Variants in CAPN5 observed in about 807,000 individuals in gnomAD.
CAPN5 encodes calpain 5.
Under a neutral mutation model 73.0 loss-of-function variants are expected in CAPN5, and 54 were observed. The ratio of observed to expected loss-of-function variants is 0.74; its 90% CI spans 0.59 to 0.93. CAPN5 has a LOEUF of 0.93. Among genes scored for constraint, CAPN5 ranks in the 40% least tolerant of loss-of-function variants. The probability of loss-of-function intolerance (pLI) is 0.00; values close to 1 mark genes in which losing one functional copy is unlikely to be tolerated. For synonymous variants in CAPN5, 335 were observed against 356.9 expected (o/e 0.94, Z 0.69); for missense variants, 785 against 882.9 (o/e 0.89, Z 1.41).
chr11:77,097,464 GTTT>G (rs58077755), intron 3 of CAPN5, among the ~76,000 whole-genome samples: 5 of 79,736 alleles, frequency 6.3e-5, no homozygotes, highest in African/African-American at 1.9e-4. Context: ...TTTCCTTCTA[GTTT>G]TTTTTTTTTT....
At chr11:77,118,870 T>C (rs1291028226) in intron 8 of CAPN5, among the ~76,000 whole-genome samples, 160 bp from the exon 9 acceptor site, 1 of 152,220 alleles carries the variant, frequency 6.6e-6, no homozygotes, top group East Asian at 1.9e-4. Context: ...GGGTAGCCAT[T>C]GCAGGCATTG....
intron 2 of CAPN5, among the ~76,000 whole-genome samples, chr11:77,088,246 C>T (rs1393187210): frequency 6.6e-6 from 1 of 151,394 alleles, no homozygotes; most frequent in Admixed American, 6.6e-5. Flanking sequence ...AGTGCAGTCT[C>T]GGGGGCCCCA....
At chr11:77,089,727 G>T (rs530635347) in intron 2 of CAPN5, among the ~76,000 whole-genome samples, 18 of 152,146 alleles carry the variant, frequency 1.2e-4, no homozygotes, top group Non-Finnish European at 1.9e-4. Flanking sequence ...AGAAAAATTA[G>T]CTGGGTGTTG....
intron 3 of CAPN5, among the ~76,000 whole-genome samples, chr11:77,100,507 C>T (rs569774788): frequency 6.6e-6 from 1 of 152,308 alleles, no homozygotes; most frequent in Admixed American, 6.5e-5. Context: ...TCTGCTCAGA[C>T]CCTCCCCAGG....
chr11:77,098,406 C>T (rs1950239332), intron 3 of CAPN5, among the ~76,000 whole-genome samples: 2 of 109,650 alleles, frequency 1.8e-5, no homozygotes, highest in Non-Finnish European at 1.9e-5. Context: ...CCGGACCGGG[C>T]GGCTGGCCGG....
intron 2 of CAPN5, chr11:77,088,211 G>A (rs1442099400): frequency 9.7e-7 from 1 of 1,028,374 alleles, no homozygotes; most frequent in Non-Finnish European, 1.4e-6. Flanking sequence ...ACAGACACTG[G>A]TTTTGGAACC....
At chr11:77,093,625 T>C (rs1192001059) in intron 2 of CAPN5, 57 bp from the exon 3 acceptor site, 13 of 1,518,812 alleles carry the variant, frequency 8.6e-6, no homozygotes, top group East Asian at 7.4e-5. Context: ...TCTCCTGCCA[T>C]GGGGGGCATC....
In CAPN5 at chr11:77,123,863, CTGTCTG is replaced by C; in HGVS notation, c.1917_1922del (p.Val640_Ter641delextTer69). 2 of 1,612,796 alleles carry C rather than the reference CTGTCTG, an allele frequency of 1.2e-6. No individual in the cohort carries two copies. Among genetic ancestry groups the C allele is most frequent in the South Asian group, 2.2e-5 (2 of 90,978 alleles). ...ATTCTCAGCAGCACCTCCCTCATGG[CTGTCTG>C]ACACCTGCCCACCTACCTGGCTCTG... On this transcript the variant is annotated stop_lost and inframe_deletion, in exon 13 of 13. Coordinates refer to ENST00000648180, the MANE Select transcript of CAPN5 (RefSeq NM_004055.5).
At chr11:77,091,229 C>T (rs782114912) in intron 2 of CAPN5, among the ~76,000 whole-genome samples, 1 of 152,214 alleles carries the variant, frequency 6.6e-6, no homozygotes, top group African/African-American at 2.4e-5. Flanking sequence ...AGTCCCTACA[C>T]AGCCCTGCTG....
chr11:77,083,932 T>G (rs895093742), intron 1 of CAPN5, among the ~76,000 whole-genome samples: 6 of 152,308 alleles, frequency 3.9e-5, no homozygotes, highest in Admixed American at 2.0e-4. Flanking sequence ...ATTGTGGCCT[T>G]TACCCCAAAA....
intron 3 of CAPN5, among the ~76,000 whole-genome samples, chr11:77,095,309 C>A (rs1950196143): frequency 6.6e-6 from 1 of 152,162 alleles, no homozygotes; most frequent in African/African-American, 2.4e-5. Context: ...GAGCTCAGAA[C>A]AAGGTCCCCC....
chr11:77,119,000 GTCTC>G, intron 8 of CAPN5, 26 bp from the exon 9 acceptor site: 1 of 1,591,892 alleles, frequency 6.3e-7, no homozygotes, highest in Non-Finnish European at 8.6e-7. Flanking sequence ...TCATTGCAGT[GTCTC>G]TCTCTCTCCT....
Position 77,114,510 on chromosome 11 carries a change from TCCCA to T in CAPN5, c.699+78_699+81del. ...ACTGAGATGGGAGACAACTGTGACA[TCCCA>T]CGCTCAGGTCAGCTCCTACGTATTC... On this transcript the variant is annotated intron_variant, in intron 5 of 12. Transcript: ENST00000648180. 2.2e-6 allele frequency: 3 copies of T among 1,358,408 alleles called. No individual in the cohort carries two copies. In the South Asian group the frequency reaches 3.6e-5, roughly 16 times the overall value. The allele number at this position is 1,358,408 out of a possible 1,614,324, so 84.1% of individuals were successfully genotyped here.
rs782632397 is a variant in CAPN5 at position 77,093,821 on chromosome 11, C to G, written c.297+8C>G. The G allele has an allele frequency of 1.9e-6, 3 of 1,608,514 alleles. No individual in the cohort carries two copies. In the South Asian group the frequency reaches 3.3e-5, roughly 18 times the overall value. ...GAGTCGCTGTGGCAAAAGGTGAGGC[C>G]TCGGGCAGAGTGGGCAGGGTGCTGG... On this transcript the variant is annotated splice_region_variant and intron_variant, in intron 3 of 12. Transcript: ENST00000648180.
intron 6 of CAPN5, 108 bp from the exon 7 acceptor site, chr11:77,116,117 AG>A (rs1950465738): frequency 1.0e-6 from 1 of 967,554 alleles, no homozygotes; most frequent in African/African-American, 1.6e-5. Context: ...GTGCCGCTGG[AG>A]GCCTGGTGCA....
chr11:77,071,759 G>T (rs1260862565), intron 1 of CAPN5: 1 of 410,288 alleles, frequency 2.4e-6, no homozygotes, highest in African/African-American at 2.0e-5. Context: ...GGGAGCAGGC[G>T]CTGGCATTCT....
chr11:77,075,223 A>T (rs2135409754), intron 1 of CAPN5, among the ~76,000 whole-genome samples: 1 of 150,828 alleles, frequency 6.6e-6, no homozygotes, highest in Non-Finnish European at 1.5e-5. Context: ...TTTTTTTCTG[A>T]GCACCATGCC....
At chr11:77,090,102 A>C (rs1591121644) in intron 2 of CAPN5, among the ~76,000 whole-genome samples, 1 of 152,126 alleles carries the variant, frequency 6.6e-6, no homozygotes, top group African/African-American at 2.4e-5. Context: ...GTGCCCAGTC[A>C]TTGTGAGATA....
At chr11:77,093,589 TGTCTGTCAC>T (rs1421127473) in intron 2 of CAPN5, 84 bp from the exon 3 acceptor site, 156 of 764,928 alleles carry the variant, frequency 2.0e-4, no homozygotes, top group East Asian at 4.7e-4. Context: ...AGCAAGTCTG[TGTCTGTCAC>T]GTCTGTGTCT....
Sources: allele counts gnomAD v4.1 joint callset (sites outside exome capture counted in the v4.1 genomes callset), GRCh38; gene constraint gnomAD v4.1.1; transcripts MANE v1.5; gene names NCBI Gene and HGNC (gene_info 2026-07-23, HGNC 2026-07-21).